The following PTPRM variants were observed in gnomAD, a reference collection of about 807,000 sequenced individuals.
PTPRM encodes the protein receptor-type tyrosine-protein phosphatase mu.
In PTPRM, 47 loss-of-function variants were observed where a neutral mutation model predicts 186.7. The ratio of observed to expected loss-of-function variants is 0.25; its 90% confidence interval spans 0.20 to 0.32. The LOEUF (loss-of-function observed/expected upper bound fraction) is 0.32. Ranked by LOEUF, PTPRM falls within the 10% of genes least tolerant of loss-of-function variation. The pLI is 1.00. For synonymous variants in PTPRM, 668 were observed against 674.9 expected (o/e 0.99, Z 0.16); for missense variants, 1,494 against 1,865.0 (o/e 0.80, Z 3.66).
At chr18:7,698,832 C>A (rs1396013953) in intron 1 of PTPRM, among the ~76,000 whole-genome samples, 2 of 152,308 alleles carry the variant, frequency 1.3e-5, no homozygotes, top group East Asian at 3.9e-4. Context: ...GTTAGCAATT[C>A]CCTGATGACT....
At chr18:8,215,982 A>G (rs967623243) in intron 14 of PTPRM, among the ~76,000 whole-genome samples, 3 of 152,234 alleles carry the variant, frequency 2.0e-5, no homozygotes, top group Non-Finnish European at 4.4e-5. Context: ...TCCCTAGCCT[A>G]AGCTCTATCT....
At chr18:7,681,141 T>A (rs2039470871) in intron 1 of PTPRM, among the ~76,000 whole-genome samples, 4 of 152,104 alleles carry the variant, frequency 2.6e-5, no homozygotes. Context: ...TTCTGAGGAT[T>A]TTTTTTCCCT....
At position 8,379,382 on chromosome 18, in the gene PTPRM, T is replaced by C. The variant is rs764664809; in HGVS notation, c.3786+42T>C. ...CCGCACGGGTCCGAGGCTGGGGTGT[T>C]TGGGGAGACTGCAGAACAGGCTTGG... is the stretch of plus-strand genomic sequence containing the variant. On this transcript the variant is annotated intron_variant, in intron 28 of 32. Coordinates refer to ENST00000580170, the MANE Select transcript of PTPRM (RefSeq NM_001105244.2). 4.5e-6 allele frequency: 7 copies of C among 1,541,804 alleles called. No homozygotes were observed. In the African/African-American group the frequency reaches 5.5e-5, roughly 12 times the overall value.
intron 7 of PTPRM, among the ~76,000 whole-genome samples, chr18:7,986,334 C>T (rs1207424122): frequency 2.6e-5 from 4 of 152,102 alleles, no homozygotes. Context: ...TTTTATGTAC[C>T]TGGTCACTTA....
rs1410282562 is a variant in PTPRM, at chr18:7,645,969, A to G, written c.73+78078A>G. ...TTTATTAATTTATAATGAGAAAATAAGACAAGCCTGGGGAAACTGTGTGCC... is the reference window on the plus strand; with the variant it reads ...TTTATTAATTTATAATGAGAAAATAGGACAAGCCTGGGGAAACTGTGTGCC... On this transcript the variant is annotated intron_variant, in intron 1 of 32. Coordinates refer to ENST00000580170, the MANE Select transcript of PTPRM (RefSeq NM_001105244.2). Among the ~76,000 whole-genome samples the G allele has an allele frequency of 3.9e-5, 6 of 152,212 alleles. No individual in the cohort carries two copies. In the East Asian group the frequency reaches 1.2e-3, roughly 29 times the overall value.
intron 14 of PTPRM, among the ~76,000 whole-genome samples, chr18:8,209,989 TAAAAAAAAAAAAAAAAAAA>T (rs67547673): frequency 1.3e-5 from 1 of 78,696 alleles, no homozygotes; most frequent in Non-Finnish European, 2.4e-5. Context: ...GAAGTAAAAT[TAAAAAAAAAAAAAAAAAAA>T]AAAAAAAAAA....
intron 1 of PTPRM, among the ~76,000 whole-genome samples, chr18:7,654,482 G>A (rs75334302): frequency 0.084 from 12,734 of 152,184 alleles, 746 homozygotes; most frequent in East Asian, 0.18. Context: ...TTTTGCTTCT[G>A]TTGCAGTTGC....
intron 19 of PTPRM, among the ~76,000 whole-genome samples, chr18:8,254,728 T>C (rs1300674345): frequency 6.6e-6 from 1 of 152,208 alleles, no homozygotes; most frequent in African/African-American, 2.4e-5. Context: ...GTCTTGGGTT[T>C]AGCTCTTTTT....
chr18:8,122,749 C>A (rs569705050), intron 13 of PTPRM, among the ~76,000 whole-genome samples: 2 of 152,166 alleles, frequency 1.3e-5, no homozygotes, highest in African/African-American at 4.8e-5. Flanking sequence ...TTTGCACATA[C>A]ATTTAGCTAT....
chr18:8,353,847 C>T (rs1165667627), intron 23 of PTPRM, among the ~76,000 whole-genome samples: 1 of 152,154 alleles, frequency 6.6e-6, no homozygotes, highest in Non-Finnish European at 1.5e-5. Flanking sequence ...GTGTGTTAGG[C>T]TTTGGCTGCA....
At chr18:8,333,564 G>A (rs916734191) in intron 22 of PTPRM, among the ~76,000 whole-genome samples, 1 of 152,206 alleles carries the variant, frequency 6.6e-6, no homozygotes, top group African/African-American at 2.4e-5. Flanking sequence ...TTCTCTAAAT[G>A]TTGAGTAACT....
intron 9 of PTPRM, among the ~76,000 whole-genome samples, chr18:8,077,821 C>A (rs2089911545): frequency 6.6e-6 from 1 of 152,138 alleles, no homozygotes; most frequent in African/African-American, 2.4e-5. Context: ...GCTATCTAGA[C>A]AGACAGAAAA....
At chr18:7,606,309 C>T (rs2037529167) in intron 1 of PTPRM, among the ~76,000 whole-genome samples, 1 of 152,014 alleles carries the variant, frequency 6.6e-6, no homozygotes, top group African/African-American at 2.4e-5. Flanking sequence ...ACTGTGGTTG[C>T]TTCTGTGGAA....
intron 23 of PTPRM, chr18:8,360,670 G>A (rs915703903): frequency 1.4e-4 from 22 of 152,184 alleles, no homozygotes; most frequent in African/African-American, 5.3e-4. Context: ...CACTGCAGGA[G>A]ACCAGGGATG....
intron 2 of PTPRM, among the ~76,000 whole-genome samples, chr18:7,853,033 C>G (rs1314483346): frequency 6.6e-6 from 1 of 152,108 alleles, no homozygotes; most frequent in Non-Finnish European, 1.5e-5. Context: ...GAAAATACCA[C>G]CCTTTTAAAT....
chr18:8,096,893 A>G (rs1189171779), intron 11 of PTPRM, among the ~76,000 whole-genome samples: 1 of 152,236 alleles, frequency 6.6e-6, no homozygotes, highest in Non-Finnish European at 1.5e-5. Flanking sequence ...TGATAAAGTC[A>G]TGTGTGATCA....
intron 3 of PTPRM, among the ~76,000 whole-genome samples, chr18:7,900,065 G>C (rs1013172104): frequency 3.9e-5 from 6 of 152,180 alleles, no homozygotes; most frequent in African/African-American, 1.2e-4. Context: ...GTGCTTTCTT[G>C]TTAATCAGAG....
rs542268142 is a variant in PTPRM at position 7,696,950 on chromosome 18, A to G, written c.74-77199A>G. Among the ~76,000 whole-genome samples the G allele has an allele frequency of 2.4e-4, 37 of 152,338 alleles. No homozygotes were observed. The South Asian group carries it at 7.3e-3, about 30-fold the overall frequency. ...TTTACTGTGCGGGCTTTATGTTTGC[A>G]GATGATCCATAGAAACACAAACAAG... On this transcript the variant is annotated intron_variant, in intron 1 of 32. Transcript: ENST00000580170.
chr18:8,050,524 C>T (rs1268444958), intron 7 of PTPRM, among the ~76,000 whole-genome samples: 3 of 151,598 alleles, frequency 2.0e-5, no homozygotes, highest in Non-Finnish European at 4.4e-5. Flanking sequence ...CTCATACACT[C>T]CTGTCAACAT....
Sources: gnomAD v4.1 joint callset for allele counts (sites outside exome capture counted in the v4.1 genomes callset) on GRCh38, gnomAD v4.1.1 for gene constraint, MANE v1.5 for transcripts, NCBI Gene and HGNC (gene_info 2026-07-23, HGNC 2026-07-21) for gene names.